RAB38: variants seen among roughly 807,000 people sequenced by gnomAD.
RAB38 encodes the protein ras-related protein Rab-38.
A neutral mutation model predicts 18.4 loss-of-function variants in RAB38; 15 were observed. The observed-to-expected ratio is 0.82, with a 90% CI of 0.55 to 1.26. RAB38 has a LOEUF of 1.26. Ranked by LOEUF, RAB38 falls within the 50% of genes most tolerant of loss-of-function variation. The pLI is 0.00. For missense variants in RAB38, 294 were observed against 267.4 expected, an observed-to-expected ratio of 1.10 and a Z score of -0.69; for synonymous variants, 101 against 104.4, an observed-to-expected ratio of 0.97 and a Z score of 0.20.
chr11:87,876,448 C>A, the RAB38 span, among the ~76,000 whole-genome samples: 3 of 151,486 alleles, frequency 2.0e-5, no homozygotes, highest in Non-Finnish European at 4.4e-5. Flanking sequence ...TTTTGTATAT[C>A]TAGTTCTGTC....
downstream of RAB38, among the ~76,000 whole-genome samples, chr11:88,110,607 A>G (rs1942460945): frequency 1.3e-5 from 2 of 152,076 alleles, no homozygotes; most frequent in South Asian, 4.1e-4. Flanking sequence ...TTATGAGGTC[A>G]GGAGTTCGAG....
the RAB38 span, among the ~76,000 whole-genome samples, chr11:88,021,801 C>A: frequency 7.0e-6 from 1 of 143,074 alleles, no homozygotes; most frequent in South Asian, 2.2e-4. Flanking sequence ...TTGCAGCGAG[C>A]TGAGATCATG....
At chr11:87,906,901 C>T in the RAB38 span, among the ~76,000 whole-genome samples, 1 of 151,900 alleles carries the variant, frequency 6.6e-6, no homozygotes, top group African/African-American at 2.4e-5. Flanking sequence ...ATAACTGCAT[C>T]ATATTCATTG....
the RAB38 span, among the ~76,000 whole-genome samples, chr11:87,956,976 A>G: frequency 1.5e-5 from 1 of 66,174 alleles, no homozygotes; most frequent in Non-Finnish European, 4.4e-5. Context: ...ATAAAAATGC[A>G]GTTTTTTGGG....
chr11:87,956,996 TTGAGTC>T, the RAB38 span, among the ~76,000 whole-genome samples: 3 of 151,280 alleles, frequency 2.0e-5, no homozygotes, highest in Admixed American at 2.0e-4. Flanking sequence ...GGGGGGGTCC[TTGAGTC>T]CTCATTTCCG....
chr11:87,843,438 A>G, the RAB38 span, among the ~76,000 whole-genome samples: 53 of 152,342 alleles, frequency 3.5e-4, no homozygotes, highest in African/African-American at 1.3e-3. Context: ...GTGTTGCTGC[A>G]GAGTTACCTA....
At chr11:88,057,327 A>G in the RAB38 span, among the ~76,000 whole-genome samples, 1 of 152,162 alleles carries the variant, frequency 6.6e-6, no homozygotes, top group Non-Finnish European at 1.5e-5. Context: ...TTAGACCTGA[A>G]TAGTCCTAAT....
At chr11:87,813,721 TAGAC>T in the RAB38 span, among the ~76,000 whole-genome samples, 35 of 152,306 alleles carry the variant, frequency 2.3e-4, no homozygotes, top group African/African-American at 6.7e-4. Flanking sequence ...TTTTACAACT[TAGAC>T]AGAGTTTAGC....
the RAB38 span, among the ~76,000 whole-genome samples, chr11:87,876,193 G>A: frequency 3.3e-5 from 5 of 151,578 alleles, no homozygotes; most frequent in Non-Finnish European, 5.9e-5. Flanking sequence ...GCAGGTAGCA[G>A]AATTGAGTGA....
chr11:88,122,535 C>T (rs1942643396), intron 2 of RAB38, among the ~76,000 whole-genome samples: 1 of 152,156 alleles, frequency 6.6e-6, no homozygotes, highest in South Asian at 2.1e-4. Context: ...TAATTGCTAA[C>T]AATTATTGAA....
the RAB38 span, among the ~76,000 whole-genome samples, chr11:88,058,532 C>A: frequency 6.6e-6 from 1 of 152,102 alleles, no homozygotes; most frequent in Non-Finnish European, 1.5e-5. Flanking sequence ...AGAATAATAC[C>A]TTCTCTAAGA....
chr11:88,130,259 T>C (rs1942750558), intron 2 of RAB38, among the ~76,000 whole-genome samples: 1 of 151,984 alleles, frequency 6.6e-6, no homozygotes, highest in Non-Finnish European at 1.5e-5. Context: ...TACAGGAACA[T>C]CTCAGGTAAA....
At chr11:87,867,102 G>T in the RAB38 span, among the ~76,000 whole-genome samples, 24 of 151,860 alleles carry the variant, frequency 1.6e-4, no homozygotes, top group African/African-American at 5.3e-4. Flanking sequence ...TTTGCATCCA[G>T]CTCAGCTTTC....
the RAB38 span, among the ~76,000 whole-genome samples, chr11:87,892,696 A>G: frequency 6.6e-6 from 1 of 151,812 alleles, no homozygotes; most frequent in South Asian, 2.1e-4. Flanking sequence ...GTCTACTGGC[A>G]TGATATATCC....
intron 2 of RAB38, among the ~76,000 whole-genome samples, chr11:88,140,205 C>T (rs899507451): frequency 2.2e-4 from 34 of 152,134 alleles, no homozygotes; most frequent in South Asian, 8.3e-4. Flanking sequence ...TTCTTCTTTA[C>T]TTCTCCATCC....
At chr11:88,028,854 A>G in the RAB38 span, among the ~76,000 whole-genome samples, 6 of 152,304 alleles carry the variant, frequency 3.9e-5, no homozygotes, top group South Asian at 4.1e-4. Context: ...GCAGGCCAAC[A>G]TTCAGATTCA....
chr11:88,171,556 CA>C (rs1277868198), intron 1 of RAB38, among the ~76,000 whole-genome samples: 1 of 152,164 alleles, frequency 6.6e-6, no homozygotes, highest in South Asian at 2.1e-4. Context: ...GACAGTAGAG[CA>C]AATCTTTTGA....
the RAB38 span, among the ~76,000 whole-genome samples, chr11:87,832,261 T>G: frequency 6.6e-6 from 1 of 152,222 alleles, no homozygotes; most frequent in Admixed American, 6.6e-5. Context: ...TATGTAAATA[T>G]ATTAGTTTTC....
At chr11:88,018,115 C>T in the RAB38 span, among the ~76,000 whole-genome samples, 7 of 152,096 alleles carry the variant, frequency 4.6e-5, no homozygotes, top group African/African-American at 1.2e-4. Context: ...GCCTAGTCTT[C>T]GGTATATCTT....
Sources: gnomAD v4.1 joint callset for allele counts (sites outside exome capture counted in the v4.1 genomes callset) on GRCh38, gnomAD v4.1.1 for gene constraint, MANE v1.5 for transcripts, NCBI Gene and HGNC (gene_info 2026-07-23, HGNC 2026-07-21) for gene names.